Variants in ABCA13 observed in about 807,000 individuals in gnomAD.
ABCA13 encodes ATP-binding cassette sub-family A member 13.
In ABCA13, 476 loss-of-function variants were observed where a neutral mutation model predicts 478.7. That is an observed-to-expected ratio of 0.99 (90% confidence interval 0.92 to 1.07). The LOEUF (loss-of-function observed/expected upper bound fraction) is 1.07, where lower values mean the gene tolerates loss of function less well. Among genes scored for constraint, ABCA13 ranks in the 50% least tolerant of loss-of-function variants. The pLI is 0.00. For synonymous variants in ABCA13, 2,252 were observed against 2,158.9 expected (o/e 1.04, Z -1.20); for missense variants, 6,060 against 5,910.6 (o/e 1.03, Z -0.83).
intron 6 of ABCA13, 59 bp from the exon 7 acceptor site, chr7:48,229,766 A>G (rs1350505900): frequency 6.3e-7 from 1 of 1,599,644 alleles, no homozygotes; most frequent in Non-Finnish European, 8.5e-7. Flanking sequence ...CCTAGAATTG[A>G]TGCTACTTGT....
chr7:48,235,905 A>T (rs1789882596), intron 8 of ABCA13, among the ~76,000 whole-genome samples: 2 of 152,144 alleles, frequency 1.3e-5, no homozygotes. Context: ...TTATAAAATA[A>T]GCTTTGTGTT....
intron 2 of ABCA13, 139 bp downstream of exon 2, chr7:48,193,191 T>G: frequency 1.5e-6 from 1 of 670,576 alleles, no homozygotes; most frequent in Non-Finnish European, 2.5e-6. Context: ...TAACAACATA[T>G]CTGGAGTATA....
chr7:48,577,912 C>T (rs959175102), intron 55 of ABCA13, among the ~76,000 whole-genome samples: 25 of 152,024 alleles, frequency 1.6e-4, no homozygotes, highest in African/African-American at 5.6e-4. Flanking sequence ...AGGCAAGGTT[C>T]GTTCAATTTT....
chr7:48,615,321 C>T lies in ABCA13; in HGVS notation c.14781C>T (p.Ala4927=). Residue 4927 remains alanine, a synonymous_variant, in exon 59 of 62, where the codon GCC becomes GCT. Transcript: ENST00000435803. ...EECEALCTRL[A]IMVNGSFKCL... ...GTGAGGCTCTTTGCACAAGACTGGC[C>T]ATAATGGTTAACGGCAGCTTCAAAT... 1 of 1,582,514 alleles carries T rather than the reference C, an allele frequency of 6.3e-7. No homozygotes were observed. The highest frequency in any genetic ancestry group is 8.6e-7 in the Non-Finnish European group (1 of 1,162,756).
chr7:48,372,886 A>AAAAAT (rs1812880039), intron 33 of ABCA13, among the ~76,000 whole-genome samples: 1 of 152,236 alleles, frequency 6.6e-6, no homozygotes, highest in Non-Finnish European at 1.5e-5. Context: ...CATTAAGTGG[A>AAAAAT]AAAATCTCTC....
At chr7:48,399,480 T>C (rs1028833025) in intron 38 of ABCA13, among the ~76,000 whole-genome samples, 48 of 151,904 alleles carry the variant, frequency 3.2e-4, no homozygotes, top group Admixed American at 3.2e-3. Context: ...CAAGGTAGAG[T>C]GCATGCACAG....
intron 23 of ABCA13, among the ~76,000 whole-genome samples, chr7:48,309,497 A>C (rs1268954981): frequency 6.6e-6 from 1 of 152,202 alleles, no homozygotes; most frequent in Non-Finnish European, 1.5e-5. Flanking sequence ...TTTTCAATCT[A>C]AAAATGAAGG....
intron 40 of ABCA13, among the ~76,000 whole-genome samples, 160 bp from the exon 41 acceptor site, chr7:48,412,193 G>A (rs1865196): frequency 0.19 from 29,571 of 152,110 alleles, 3,264 homozygotes; most frequent in East Asian, 0.23. Flanking sequence ...AAAAAAATAC[G>A]AGATGTCATT....
At position 48,489,254 on chromosome 7, in the gene ABCA13, G is replaced by C. The variant is rs763237392; in HGVS notation, c.13201G>C (p.Gly4401Arg). Residue 4401 changes from glycine to arginine, a missense_variant, in exon 48 of 62, where the codon GGT (glycine) becomes CGT (arginine). Coordinates refer to ENST00000435803, the MANE Select transcript of ABCA13 (RefSeq NM_152701.5). ...TLAKVWYNQK[G>R]FHSLPSYLNH... ...TTTTTAGGTGTGGTATAATCAGAAG[G>C]GTTTTCATTCCCTACCTTCCTACTT... is the stretch of plus-strand genomic sequence containing the variant. 6.2e-7 allele frequency: 1 copy of C among 1,611,468 alleles called. No homozygotes were observed. The highest frequency in any genetic ancestry group is 8.5e-7 in the Non-Finnish European group (1 of 1,178,414).
chr7:48,324,262 T>C (rs901617705), intron 27 of ABCA13, among the ~76,000 whole-genome samples: 14 of 152,228 alleles, frequency 9.2e-5, no homozygotes, highest in Admixed American at 2.6e-4. Context: ...CTTCTCTTTG[T>C]GTCCTCACAT....
At chr7:48,225,328 C>T (rs1455098932) in intron 5 of ABCA13, among the ~76,000 whole-genome samples, 5 of 145,036 alleles carry the variant, frequency 3.4e-5, no homozygotes, top group African/African-American at 1.0e-4. Flanking sequence ...TTTTTTCAAT[C>T]GATGGTTTAT....
chr7:48,284,148 G>A (rs1797412888), intron 19 of ABCA13, among the ~76,000 whole-genome samples: 1 of 152,166 alleles, frequency 6.6e-6, no homozygotes, highest in Non-Finnish European at 1.5e-5. Context: ...CTATCACAGG[G>A]TTAGTTCTAA....
chr7:48,455,700 T>C (rs1341120373), intron 43 of ABCA13, among the ~76,000 whole-genome samples: 1 of 152,246 alleles, frequency 6.6e-6, no homozygotes, highest in Non-Finnish European at 1.5e-5. Context: ...CAGTTGTTTC[T>C]GGGACAACAG....
In ABCA13 at chr7:48,210,232, G is replaced by T. The variant is rs927579136; in HGVS notation, c.288-9122G>T. 2.6e-5 allele frequency among the ~76,000 whole-genome samples: 4 copies of T among 152,158 alleles called. No individual in the cohort carries two copies. In the East Asian group the frequency reaches 5.8e-4, roughly 22 times the overall value. ...CAGGAGAGAGAAGCATAGAGCAAAG[G>T]GGGAAAAAGCCCCTTATAAAACCGC... On this transcript the variant is annotated intron_variant, in intron 3 of 61. Transcript: ENST00000435803.
chr7:48,409,340 GCTT>G (rs1429426791), intron 39 of ABCA13, among the ~76,000 whole-genome samples: 1 of 152,124 alleles, frequency 6.6e-6, no homozygotes, highest in Non-Finnish European at 1.5e-5. Context: ...TAAATCTGAG[GCTT>G]CTTCTTTACA....
At chr7:48,193,289 A>G (rs952578177) in intron 2 of ABCA13, among the ~76,000 whole-genome samples, 5 of 152,230 alleles carry the variant, frequency 3.3e-5, no homozygotes, top group African/African-American at 1.2e-4. Context: ...TATTCTTCCA[A>G]TTAAAACTGA....
chr7:48,249,673 G>A (rs997112228), intron 15 of ABCA13, among the ~76,000 whole-genome samples: 9 of 152,172 alleles, frequency 5.9e-5, no homozygotes, highest in Non-Finnish European at 1.0e-4. Context: ...CAAGAGTCCA[G>A]ATTTTCTGTT....
intron 35 of ABCA13, among the ~76,000 whole-genome samples, chr7:48,385,335 G>A (rs568790426): frequency 2.0e-5 from 3 of 152,032 alleles, no homozygotes; most frequent in Admixed American, 6.5e-5. Context: ...GTTGTTCCCC[G>A]CAGTGCATGT....
chr7:48,258,281 G>A (rs1291642197), intron 15 of ABCA13, among the ~76,000 whole-genome samples: 1 of 152,036 alleles, frequency 6.6e-6, no homozygotes, highest in Non-Finnish European at 1.5e-5. Context: ...GATCAGTTCA[G>A]GGATCCAGTT....
Sources: gnomAD v4.1 joint callset for allele counts (sites outside exome capture counted in the v4.1 genomes callset) on GRCh38, gnomAD v4.1.1 for gene constraint, MANE v1.5 for transcripts, NCBI Gene and HGNC (gene_info 2026-07-23, HGNC 2026-07-21) for gene names.